MTUS2: variants seen among roughly 807,000 people sequenced by gnomAD.
The protein encoded by MTUS2 is microtubule associated scaffold protein 2, also known as microtubule-associated tumor suppressor candidate 2.
MTUS2 carries 40 observed loss-of-function variants against 114.1 expected under a neutral mutation model. That is an observed-to-expected ratio of 0.35 (90% confidence interval 0.27 to 0.46). The LOEUF (loss-of-function observed/expected upper bound fraction) is 0.46. MTUS2 is among the 20% of genes least tolerant of loss of function. MTUS2 has a pLI of 1.00. For missense variants in MTUS2, 1,679 were observed against 1,705.4 expected (o/e 0.98, Z 0.27); for synonymous variants, 688 against 672.0 (o/e 1.02, Z -0.37).
At chr13:29,383,217 A>AGTGT (rs1297604822) in intron 8 of MTUS2, among the ~76,000 whole-genome samples, 13 of 105,518 alleles carry the variant, frequency 1.2e-4, no homozygotes, top group African/African-American at 3.6e-4. Context: ...AGGAAAATTG[A>AGTGT]GTGTGTGTGT....
At chr13:29,071,633 G>A (rs1888943079) in intron 4 of MTUS2, among the ~76,000 whole-genome samples, 1 of 151,276 alleles carries the variant, frequency 6.6e-6, no homozygotes, top group Admixed American at 6.6e-5. Flanking sequence ...TCACCATGTT[G>A]GTCAGGCTGG....
rs1555272543 is a variant in MTUS2, at chr13:29,389,536, C to CGTGT, written c.3117+30066_3117+30069dup. On this transcript the variant is annotated intron_variant, in intron 8 of 15. Coordinates refer to ENST00000612955, the MANE Select transcript of MTUS2 (RefSeq NM_001033602.4). ...GTGTGTATGTGTATATATGTATACA[C>CGTGT]GTGTGTATATGTATACACGTGTGTA... Among the ~76,000 whole-genome samples the CGTGT allele has an allele frequency of 4.6e-4, 36 of 77,710 alleles. 6 individuals are homozygous for CGTGT. The highest frequency in any genetic ancestry group is 1.7e-3 in the African/African-American group (25 of 14,472). 51.0% of individuals were successfully genotyped at this position (77,710 alleles called of 152,430 possible).
chr13:29,243,111 C>G (rs1459188911), intron 5 of MTUS2, among the ~76,000 whole-genome samples: 1 of 152,174 alleles, frequency 6.6e-6, no homozygotes, highest in Non-Finnish European at 1.5e-5. Context: ...GTATTTGCAT[C>G]TACTCATTTA....
chr13:29,356,185 C>T (rs1869725842), intron 7 of MTUS2, among the ~76,000 whole-genome samples: 1 of 152,068 alleles, frequency 6.6e-6, no homozygotes, highest in Admixed American at 6.6e-5. Flanking sequence ...ATGACATGCC[C>T]CTCCTTTAAA....
intron 5 of MTUS2, among the ~76,000 whole-genome samples, chr13:29,178,293 G>A (rs1006135610): frequency 2.6e-5 from 4 of 151,850 alleles, no homozygotes; most frequent in African/African-American, 9.7e-5. Flanking sequence ...ATTTTTGTTT[G>A]GTCATACCCT....
intron 7 of MTUS2, among the ~76,000 whole-genome samples, chr13:29,340,937 A>G (rs1009322544): frequency 3.3e-5 from 5 of 152,208 alleles, no homozygotes; most frequent in African/African-American, 9.7e-5. Flanking sequence ...ACTTAGAATA[A>G]TGGTCTCCAC....
intron 7 of MTUS2, among the ~76,000 whole-genome samples, chr13:29,332,248 A>G (rs7985417): frequency 0.81 from 122,950 of 152,086 alleles, 50,613 homozygotes; most frequent in East Asian, 0.9. Context: ...CTTGTTATTG[A>G]TCTATTCAGG....
chr13:28,904,578 A>G (rs1325170871), intron 2 of MTUS2, among the ~76,000 whole-genome samples: 29 of 151,970 alleles, frequency 1.9e-4, no homozygotes, highest in African/African-American at 5.3e-4. Flanking sequence ...ATGCAGCATT[A>G]TTTCTGAGGG....
intron 9 of MTUS2, among the ~76,000 whole-genome samples, chr13:29,479,127 A>G (rs1880953350): frequency 6.6e-6 from 1 of 152,222 alleles, no homozygotes; most frequent in Admixed American, 6.5e-5. Flanking sequence ...ACAGCTAATC[A>G]GCACCTGTAC....
intron 2 of MTUS2, among the ~76,000 whole-genome samples, chr13:28,841,450 C>T (rs534346995): frequency 1.6e-4 from 24 of 152,168 alleles, no homozygotes; most frequent in Non-Finnish European, 2.5e-4. Flanking sequence ...GCCGCTGGAG[C>T]GGCCGGAAGG....
intron 5 of MTUS2, among the ~76,000 whole-genome samples, chr13:29,229,305 A>G (rs996672335): frequency 2.0e-5 from 3 of 152,202 alleles, no homozygotes; most frequent in African/African-American, 7.2e-5. Context: ...TTCATTGTAA[A>G]GTACTTTGTC....
intron 2 of MTUS2, among the ~76,000 whole-genome samples, chr13:28,903,842 C>A (rs1361268526): frequency 6.6e-6 from 1 of 151,108 alleles, no homozygotes; most frequent in African/African-American, 2.5e-5. Flanking sequence ...GCCACACTGA[C>A]TTCCACAATG....
chr13:29,147,305 A>G (rs2139024949), intron 5 of MTUS2, among the ~76,000 whole-genome samples: 1 of 152,348 alleles, frequency 6.6e-6, no homozygotes, highest in African/African-American at 2.4e-5. Flanking sequence ...TTGGTTATAT[A>G]TGATTTTAGC....
intron 2 of MTUS2, among the ~76,000 whole-genome samples, chr13:28,892,205 A>G (rs1325729843): frequency 1.3e-5 from 2 of 152,174 alleles, no homozygotes; most frequent in African/African-American, 2.4e-5. Context: ...GTGTTATGTC[A>G]GTGAGATGCC....
At chr13:29,195,221 T>G (rs1049949970) in intron 5 of MTUS2, among the ~76,000 whole-genome samples, 19 of 146,934 alleles carry the variant, frequency 1.3e-4, no homozygotes, top group Non-Finnish European at 2.5e-4. Context: ...TGTGCACATG[T>G]ACCCTAAAAC....
At chr13:29,443,416 G>A (rs1207234452) in intron 9 of MTUS2, among the ~76,000 whole-genome samples, 1 of 152,222 alleles carries the variant, frequency 6.6e-6, no homozygotes, top group South Asian at 2.1e-4. Context: ...AATGCAGCAG[G>A]CGCTACACAA....
chr13:29,321,057 A>C (rs1235869067), intron 6 of MTUS2, among the ~76,000 whole-genome samples: 45 of 152,208 alleles, frequency 3.0e-4, no homozygotes, highest in Non-Finnish European at 2.9e-5. Flanking sequence ...CAAATAGATA[A>C]GCAGTAATGT....
intron 6 of MTUS2, among the ~76,000 whole-genome samples, chr13:29,320,654 G>A (rs983137285): frequency 2.6e-5 from 4 of 152,216 alleles, no homozygotes; most frequent in African/African-American, 9.7e-5. Flanking sequence ...TGAAGCCCAG[G>A]GTAAGCTTTG....
chr13:29,210,537 C>G (rs1440126329), intron 5 of MTUS2, among the ~76,000 whole-genome samples: 2 of 152,032 alleles, frequency 1.3e-5, no homozygotes, highest in Non-Finnish European at 2.9e-5. Context: ...TTTTCTGGTT[C>G]CTTCTCATTT....
Sources: gnomAD v4.1 joint callset for allele counts (sites outside exome capture counted in the v4.1 genomes callset) on GRCh38, gnomAD v4.1.1 for gene constraint, MANE v1.5 for transcripts, NCBI Gene and HGNC (gene_info 2026-07-23, HGNC 2026-07-21) for gene names.